WDFY4: variants seen among roughly 807,000 people sequenced by gnomAD.
WDFY4 encodes the protein WD repeat- and FYVE domain-containing protein 4.
A neutral mutation model predicts 351.9 loss-of-function variants in WDFY4; 169 were observed. That is an observed-to-expected ratio of 0.48 (90% CI 0.42 to 0.55). WDFY4 has a LOEUF of 0.55. Ranked by LOEUF, WDFY4 falls within the 20% of genes least tolerant of loss-of-function variation. The pLI, the probability that WDFY4 is intolerant of heterozygous loss-of-function variation, is 0.00. For synonymous variants in WDFY4, 1,622 were observed against 1,574.6 expected, an observed-to-expected ratio of 1.03 and a Z score of -0.71; for missense variants, 3,803 against 3,935.6, an observed-to-expected ratio of 0.97 and a Z score of 0.90.
At chr10:48,817,535 A>C (rs907295477) in intron 32 of WDFY4, 126 bp downstream of exon 32, 104 of 1,211,998 alleles carry the variant, frequency 8.6e-5, no homozygotes, top group Non-Finnish European at 1.1e-4. Context: ...CTTGAGCGGA[A>C]CATTGAATAA....
At chr10:48,898,099 G>C (rs548098376) in intron 45 of WDFY4, among the ~76,000 whole-genome samples, 7 of 152,224 alleles carry the variant, frequency 4.6e-5, no homozygotes, top group East Asian at 1.9e-4. Context: ...CTCCAACCAG[G>C]ATCTTTCAGT....
At chr10:48,913,977 T>C in intron 47 of WDFY4, 1 of 1,614,164 alleles carries the variant, frequency 6.2e-7, no homozygotes, top group Non-Finnish European at 8.5e-7. Flanking sequence ...CCTGATAAGA[T>C]TCCGGCTAAG....
At chr10:48,939,127 G>A (rs2133743714) in intron 47 of WDFY4, among the ~76,000 whole-genome samples, 1 of 152,284 alleles carries the variant, frequency 6.6e-6, no homozygotes, top group Admixed American at 6.5e-5. Context: ...AGGTTCCCAG[G>A]TTGCACAATT....
At chr10:48,704,179 C>T (rs181591631) in intron 1 of WDFY4, among the ~76,000 whole-genome samples, 18 of 152,206 alleles carry the variant, frequency 1.2e-4, no homozygotes, top group East Asian at 5.8e-4. Flanking sequence ...CTGGGATCAC[C>T]GGGACCATGT....
At chr10:48,910,422 A>G (rs190100301) in intron 47 of WDFY4, among the ~76,000 whole-genome samples, 26 of 152,202 alleles carry the variant, frequency 1.7e-4, no homozygotes, top group Non-Finnish European at 2.8e-4. Flanking sequence ...GAGAACACCC[A>G]AGGCTTTCCT....
intron 57 of WDFY4, among the ~76,000 whole-genome samples, chr10:48,973,782 G>T (rs557881208): frequency 8.1e-4 from 123 of 152,316 alleles, no homozygotes; most frequent in African/African-American, 2.8e-3. Flanking sequence ...CCACAGAGAA[G>T]AAGGCCTCCA....
At chr10:48,808,822 G>A (rs2132897438) in intron 28 of WDFY4, among the ~76,000 whole-genome samples, 1 of 152,302 alleles carries the variant, frequency 6.6e-6, no homozygotes, top group East Asian at 1.9e-4. Context: ...CTGGGCTCTG[G>A]CATCTATACC....
intron 47 of WDFY4, chr10:48,913,924 G>A (rs764274965): frequency 1.2e-6 from 2 of 1,614,022 alleles, no homozygotes; most frequent in Non-Finnish European, 1.7e-6. Flanking sequence ...TGCAGGTCCA[G>A]CCACCGGAGG....
intron 12 of WDFY4, among the ~76,000 whole-genome samples, chr10:48,758,303 A>G (rs1304853374): frequency 6.6e-6 from 1 of 152,156 alleles, no homozygotes; most frequent in South Asian, 2.1e-4. Context: ...GTTCCCTTAA[A>G]TGTAATGTGT....
chr10:48,768,313 A>G (rs1234999013), intron 13 of WDFY4, among the ~76,000 whole-genome samples: 2 of 152,088 alleles, frequency 1.3e-5, no homozygotes, highest in East Asian at 3.9e-4. Flanking sequence ...TGCCTTGCCC[A>G]TGCGCTGGCA....
At chr10:48,948,674 G>T (rs150262151) in intron 51 of WDFY4, among the ~76,000 whole-genome samples, 1 of 152,340 alleles carries the variant, frequency 6.6e-6, no homozygotes, top group African/African-American at 2.4e-5. Context: ...GGTTAATTAT[G>T]CACATCTCTC....
At position 48,913,533 on chromosome 10, in the gene WDFY4, G is replaced by A. The variant is rs367982019; in HGVS notation, c.7586+11670G>A. On this transcript the variant is annotated intron_variant, in intron 47 of 61. Coordinates refer to ENST00000325239, the MANE Select transcript of WDFY4 (RefSeq NM_001394531.1). ...GTTTTGGCATTTTCTCAGGCAAGCC[G>A]CACACAGATCCTTCTCCTCCACAAC... is the stretch of plus-strand genomic sequence containing the variant. 6.8e-5 allele frequency: 110 copies of A among 1,613,802 alleles called. No individual in the cohort carries two copies. Among genetic ancestry groups the A allele is most frequent in the Admixed American group, 2.3e-4 (14 of 59,988 alleles).
intron 47 of WDFY4, chr10:48,913,930 G>T: frequency 6.2e-7 from 1 of 1,614,114 alleles, no homozygotes; most frequent in Non-Finnish European, 8.5e-7. Flanking sequence ...TCCAGCCACC[G>T]GAGGTTCTGG....
At chr10:48,961,832 T>TG (rs1416381016) in intron 53 of WDFY4, among the ~76,000 whole-genome samples, 1 of 146,408 alleles carries the variant, frequency 6.8e-6, no homozygotes, top group East Asian at 1.9e-4. Context: ...TCTTTTGTGA[T>TG]TTTTTTTTTA....
At chr10:48,777,276 C>G (rs2066065242) in intron 16 of WDFY4, 143 bp from the exon 17 acceptor site, 1 of 828,566 alleles carries the variant, frequency 1.2e-6, no homozygotes, top group South Asian at 1.6e-5. Flanking sequence ...CAGCTGCAGT[C>G]CATCCTTGGG....
chr10:48,708,240 A>C (rs11101434), intron 1 of WDFY4, among the ~76,000 whole-genome samples: 128,049 of 152,098 alleles, frequency 0.84, 54,778 homozygotes, highest in East Asian at 0.92. Flanking sequence ...GAGCTGGGGG[A>C]AGGCTGGGTT....
In WDFY4 at chr10:48,839,628, G is replaced by C. The variant is rs188070190; in HGVS notation, c.6663+6919G>C. Reference sequence around the variant, plus strand: ...CCACAGATCAAGAGAAAGCAGGCTGGAGGGATAAATTATTAAAAACCACAG... The same window carrying C: ...CCACAGATCAAGAGAAAGCAGGCTGCAGGGATAAATTATTAAAAACCACAG... On this transcript the variant is annotated intron_variant, in intron 39 of 61. Coordinates refer to ENST00000325239, the MANE Select transcript of WDFY4 (RefSeq NM_001394531.1). Among the ~76,000 whole-genome samples, 543 of 152,324 alleles carry C rather than the reference G, an allele frequency of 3.6e-3. 3 individuals are homozygous for C. In the Middle Eastern group the frequency reaches 0.044, roughly 12 times the overall value.
Position 48,778,693 on chromosome 10 carries a change from G to T in WDFY4, c.3258G>T (p.Glu1086Asp). Residue 1086 changes from glutamate to aspartate, a missense_variant, in exon 18 of 62, where the codon GAG becomes GAT. By Grantham distance (45) the Glu-to-Asp change is conservative. Coordinates refer to ENST00000325239, the MANE Select transcript of WDFY4 (RefSeq NM_001394531.1). ...TCAGCCGGCATGGAGCTGCCACTGA[G>T]GGCCACCCGCTGCGCTTCCTGACGT... ...FLISRHGAAT[E>D]GHPLRFLTLV... 6.4e-7 allele frequency: 1 copy of T among 1,551,682 alleles called. No homozygotes were observed. The highest frequency in any genetic ancestry group is 8.7e-7 in the Non-Finnish European group (1 of 1,147,018).
chr10:48,789,731 C>T, intron 21 of WDFY4, 143 bp from the exon 22 acceptor site: 2 of 717,472 alleles, frequency 2.8e-6, no homozygotes, highest in South Asian at 3.5e-5. Context: ...GACATTGGTT[C>T]AATTGCTATT....
Sources: gnomAD v4.1 joint callset for allele counts (sites outside exome capture counted in the v4.1 genomes callset) on GRCh38, gnomAD v4.1.1 for gene constraint, MANE v1.5 for transcripts, NCBI Gene and HGNC (gene_info 2026-07-23, HGNC 2026-07-21) for gene names.